The following CD44 variants were observed in gnomAD, a reference collection of about 807,000 sequenced individuals.
CD44 encodes CD44 molecule (IN blood group), also known as CD44 antigen.
In CD44, 49 loss-of-function variants were observed where a neutral mutation model predicts 88.8. The observed-to-expected ratio is 0.55, with a 90% CI of 0.44 to 0.70. The LOEUF (loss-of-function observed/expected upper bound fraction) is 0.70. Among genes scored for constraint, CD44 ranks in the 30% least tolerant of loss-of-function variants. The pLI is 0.00. For synonymous variants in CD44, 325 were observed against 312.3 expected, an observed-to-expected ratio of 1.04 and a Z score of -0.43; for missense variants, 883 against 913.8, an observed-to-expected ratio of 0.97 and a Z score of 0.43.
intron 6 of CD44, 160 bp downstream of exon 6, chr11:35,197,034 C>A (rs571831267): frequency 7.2e-5 from 47 of 654,646 alleles, no homozygotes; most frequent in African/African-American, 7.1e-4. Flanking sequence ...TGTTTGTTTG[C>A]TTGTATGGCA....
chr11:35,192,123 G>A (rs926214089), intron 5 of CD44, among the ~76,000 whole-genome samples: 1 of 152,168 alleles, frequency 6.6e-6, no homozygotes, highest in East Asian at 1.9e-4. Flanking sequence ...GCTGAGAAAT[G>A]AATTGTGCCT....
intron 1 of CD44, among the ~76,000 whole-genome samples, chr11:35,144,561 AC>A (rs964442023): frequency 3.3e-5 from 5 of 151,832 alleles, no homozygotes; most frequent in African/African-American, 1.2e-4. Context: ...TTTTAAGTGT[AC>A]CCCCCACAGC....
intron 1 of CD44, among the ~76,000 whole-genome samples, chr11:35,162,369 A>C (rs888980333): frequency 6.6e-6 from 1 of 152,208 alleles, no homozygotes; most frequent in Non-Finnish European, 1.5e-5. Context: ...AGGGAAAACC[A>C]AGACCTTATT....
At chr11:35,165,314 G>A (rs1173796121) in intron 1 of CD44, among the ~76,000 whole-genome samples, 1 of 152,206 alleles carries the variant, frequency 6.6e-6, no homozygotes, top group Non-Finnish European at 1.5e-5. Context: ...AGCACCAGAG[G>A]GGAATGGGGA....
At chr11:35,186,288 A>G (rs1361847507) in intron 3 of CD44, among the ~76,000 whole-genome samples, 1 of 152,140 alleles carries the variant, frequency 6.6e-6, no homozygotes, top group Middle Eastern at 3.2e-3. Flanking sequence ...CTTTGTTGTG[A>G]TTATGTTATT....
chr11:35,197,894 C>T (rs1186189374), intron 6 of CD44: 1 of 475,040 alleles, frequency 2.1e-6, no homozygotes, highest in Admixed American at 3.5e-5. Context: ...ATTCTTTCAG[C>T]TTTCTTAAAG....
At chr11:35,181,201 T>C (rs1944955175) in intron 3 of CD44, among the ~76,000 whole-genome samples, 1 of 152,136 alleles carries the variant, frequency 6.6e-6, no homozygotes, top group African/African-American at 2.4e-5. Flanking sequence ...GAGTATATGG[T>C]ATGCCTTTGA....
At chr11:35,224,401 G>T (rs1328069828) in intron 17 of CD44, among the ~76,000 whole-genome samples, 2 of 152,196 alleles carry the variant, frequency 1.3e-5, no homozygotes, top group Non-Finnish European at 2.9e-5. Flanking sequence ...CAGTTGGGTT[G>T]ATAGATACTG....
Position 35,214,916 on chromosome 11 carries a change from T to A in CD44, c.1873+2T>A. The stretch of plus-strand genomic sequence containing the variant: ...CCACTCATGGATCTGAATCAGATGG[T>A]GAGTTCAAAACTGCTTTAGTCATTT... On this transcript the variant is annotated splice_donor_variant, in intron 15 of 17. Coordinates refer to ENST00000428726, the MANE Select transcript of CD44 (RefSeq NM_000610.4). LOFTEE classifies it high-confidence loss of function. 1 of 1,543,878 alleles carries A rather than the reference T, an allele frequency of 6.5e-7. No individual in the cohort carries two copies. The highest frequency in any genetic ancestry group is 8.7e-7 in the Non-Finnish European group (1 of 1,144,618).
At chr11:35,202,182 A>G (rs1311152766) in intron 9 of CD44, among the ~76,000 whole-genome samples, 1 of 152,208 alleles carries the variant, frequency 6.6e-6, no homozygotes, top group Non-Finnish European at 1.5e-5. Context: ...ATTTTCTATG[A>G]AGATCTTTGA....
In CD44 at chr11:35,232,101, G is replaced by C. The variant is rs1257008505; in HGVS notation, c.*2768G>C. On this transcript the variant is annotated 3_prime_UTR_variant, in exon 18 of 18. Transcript: ENST00000428726. The stretch of plus-strand genomic sequence containing the variant: ...AGAGAGGAAACATTTGACTTATCTG[G>C]AAAAGCAAAATGTACTTAAGAATAA... The C allele has an allele frequency of 6.6e-6, 1 of 152,288 alleles. No homozygotes were observed. Among genetic ancestry groups the C allele is most frequent in the African/African-American group, 2.4e-5 (1 of 41,424 alleles). The allele number at this position is 152,288 out of a possible 1,614,324, so 9.4% of individuals were successfully genotyped here.
In CD44 at chr11:35,201,683, A is replaced by G. The variant is rs752083784; in HGVS notation, c.1049A>G (p.Asn350Ser). The stretch of plus-strand genomic sequence containing the variant: ...ATCATCACAGCAGATGTAGACAGAA[A>G]TGGCACCACTGCTTATGAAGGAAAC... ...TTTRMTDVDR[N>S]GTTAYEGNWN... Residue 350 changes from asparagine to serine, a missense_variant, in exon 9 of 18, where the codon AAT becomes AGT. Coordinates refer to ENST00000428726, the MANE Select transcript of CD44 (RefSeq NM_000610.4). 6.2e-6 allele frequency: 10 copies of G among 1,613,668 alleles called. No homozygotes were observed. The highest frequency in any genetic ancestry group is 8.5e-6 in the Non-Finnish European group (10 of 1,179,720).
chr11:35,150,155 C>T (rs1860029533), intron 1 of CD44, among the ~76,000 whole-genome samples: 1 of 152,324 alleles, frequency 6.6e-6, no homozygotes. Flanking sequence ...TTCATGAGCA[C>T]CTTGGACTTG....
intron 17 of CD44, chr11:35,223,197 G>T (rs1949443530): frequency 1.0e-6 from 1 of 984,066 alleles, no homozygotes; most frequent in Admixed American, 6.2e-5. Context: ...TGAATGGAAA[G>T]ATTTTTTTTA....
intron 11 of CD44, among the ~76,000 whole-genome samples, chr11:35,206,666 T>G (rs1158158677): frequency 6.7e-4 from 78 of 115,798 alleles, no homozygotes; most frequent in Middle Eastern, 4.1e-3. Context: ...TGGTGGGGGT[T>G]GGTGGGGGGG....
chr11:35,193,209 C>G (rs945107631), intron 5 of CD44, among the ~76,000 whole-genome samples: 1 of 152,096 alleles, frequency 6.6e-6, no homozygotes, highest in Non-Finnish European at 1.5e-5. Flanking sequence ...TTGTCCTGGG[C>G]CACACATAAA....
chr11:35,188,929 C>T (rs1441778953), intron 4 of CD44, among the ~76,000 whole-genome samples: 2 of 151,198 alleles, frequency 1.3e-5, no homozygotes, highest in African/African-American at 2.4e-5. Context: ...CAGAGTGAGA[C>T]TCCATCTCGA....
At chr11:35,208,304 T>C in intron 12 of CD44, 98 bp downstream of exon 12, 1 of 838,270 alleles carries the variant, frequency 1.2e-6, no homozygotes, top group Non-Finnish European at 2.1e-6. Flanking sequence ...GGTGGAATGG[T>C]GCTATGTGGC....
At chr11:35,210,124 T>C in intron 13 of CD44, 70 bp downstream of exon 13, 1 of 844,602 alleles carries the variant, frequency 1.2e-6, no homozygotes, top group Non-Finnish European at 1.8e-6. Flanking sequence ...ACTTTTGCAG[T>C]GTCTTTGGTG....
Sources: gnomAD v4.1 joint callset for allele counts (sites outside exome capture counted in the v4.1 genomes callset) on GRCh38, gnomAD v4.1.1 for gene constraint, MANE v1.5 for transcripts, NCBI Gene and HGNC (gene_info 2026-07-23, HGNC 2026-07-21) for gene names.